The following MCUR1 variants were observed in gnomAD, a reference collection of about 807,000 sequenced individuals.
MCUR1 encodes the protein MCU regulator 1.
In MCUR1, 37 loss-of-function variants were observed where a neutral mutation model predicts 42.0. The ratio of observed to expected loss-of-function variants is 0.88; its 90% CI spans 0.68 to 1.16. The LOEUF (loss-of-function observed/expected upper bound fraction) is 1.16. Among genes scored for constraint, MCUR1 ranks in the 50% most tolerant of loss-of-function variants. The pLI, the probability that MCUR1 is intolerant of heterozygous loss-of-function variation, is 0.00. For synonymous variants in MCUR1, 229 were observed against 196.2 expected (o/e 1.17, Z -1.40); for missense variants, 469 against 468.4 (o/e 1.00, Z -0.01).
chr6:13,791,030 C>T (rs1010778553), intron 8 of MCUR1, among the ~76,000 whole-genome samples, 166 bp from the exon 9 acceptor site: 1 of 152,060 alleles, frequency 6.6e-6, no homozygotes, highest in Non-Finnish European at 1.5e-5. Context: ...AATCCCACAC[C>T]CTTTATTTTA....
chr6:13,804,287 C>A, intron 2 of MCUR1: 1 of 133,808 alleles, frequency 7.5e-6, no homozygotes, highest in Non-Finnish European at 1.5e-5. Context: ...TGTGCCACTG[C>A]ACTCCAGCCT....
chr6:13,811,236 C>T (rs1444340217), intron 1 of MCUR1, among the ~76,000 whole-genome samples: 2 of 152,176 alleles, frequency 1.3e-5, no homozygotes, highest in Non-Finnish European at 2.9e-5. Context: ...ATTATTTCCT[C>T]ATCTGTATCA....
At position 13,800,393 on chromosome 6, in the gene MCUR1, A is replaced by AT. The variant is rs772917624; in HGVS notation, c.742-12dup. The stretch of plus-strand genomic sequence containing the variant: ...TTCGAGTTTTATTTTCTAAAAACAC[A>AT]TAAAAAAAAAGTCATTAGAAAGAAC... On this transcript the variant is annotated splice_polypyrimidine_tract_variant and intron_variant, in intron 4 of 8. Transcript: ENST00000379170. The AT allele has an allele frequency of 1.3e-5, 18 of 1,423,268 alleles. No homozygotes were observed. Among genetic ancestry groups the AT allele is most frequent in the Middle Eastern group, 1.8e-4 (1 of 5,668 alleles). 88.2% of individuals were successfully genotyped at this position (1,423,268 alleles called of 1,614,324 possible).
At chr6:13,813,843 G>T (rs1329104451) in intron 1 of MCUR1, among the ~76,000 whole-genome samples, 172 bp downstream of exon 1, 1 of 152,166 alleles carries the variant, frequency 6.6e-6, no homozygotes, top group Non-Finnish European at 1.5e-5. Context: ...CACCGCGGCC[G>T]AGCAGGGCGG....
At chr6:13,812,478 T>C (rs1295590081) in intron 1 of MCUR1, among the ~76,000 whole-genome samples, 1 of 152,240 alleles carries the variant, frequency 6.6e-6, no homozygotes, top group Non-Finnish European at 1.5e-5. Flanking sequence ...CTTTTTGCCC[T>C]ATACTCTTGC....
intron 1 of MCUR1, among the ~76,000 whole-genome samples, chr6:13,809,059 CTGT>C (rs1760173511): frequency 6.6e-6 from 1 of 152,104 alleles, no homozygotes; most frequent in Non-Finnish European, 1.5e-5. Flanking sequence ...GTTATAAACT[CTGT>C]TGTTTGCCAA....
Position 13,791,878 on chromosome 6 carries a change from C to T in MCUR1, c.1024G>A (p.Gly342Arg). 1 of 1,601,604 alleles carries T rather than the reference C, an allele frequency of 6.2e-7. No homozygotes were observed. The highest frequency in any genetic ancestry group is 8.5e-7 in the Non-Finnish European group (1 of 1,170,828). The stretch of plus-strand genomic sequence containing the variant: ...TTTAAATAGATACAAAATAGCTTAC[C>T]TGCTAAATATTTAATATTATCAAGC... ...HKLDNIKYLA[G>R]SIFTCLTVAL... Residue 342 changes from glycine to arginine, a missense_variant and splice_region_variant, in exon 8 of 9, where the codon GGG becomes AGG. By Grantham distance (125) the Gly-to-Arg change is moderately radical (BLOSUM62 -2). Coordinates refer to ENST00000379170, the MANE Select transcript of MCUR1 (RefSeq NM_001031713.4).
At chr6:13,807,715 C>T (rs1434783362) in intron 1 of MCUR1, among the ~76,000 whole-genome samples, 1 of 152,196 alleles carries the variant, frequency 6.6e-6, no homozygotes, top group African/African-American at 2.4e-5. Flanking sequence ...TTTTCCAAAG[C>T]AGCTATACCA....
At chr6:13,790,902 A>G in intron 8 of MCUR1, 38 bp from the exon 9 acceptor site, 1 of 1,464,106 alleles carries the variant, frequency 6.8e-7, no homozygotes, top group Non-Finnish European at 9.4e-7. Flanking sequence ...TATTAGTTCT[A>G]TTAAGAGTTA....
intron 1 of MCUR1, among the ~76,000 whole-genome samples, chr6:13,811,906 C>G (rs891804764): frequency 4.0e-5 from 6 of 151,804 alleles, no homozygotes; most frequent in Admixed American, 1.3e-4. Flanking sequence ...GAACCAGAAA[C>G]AGCAAGCTTA....
At chr6:13,802,490 A>C in intron 2 of MCUR1, 144 bp from the exon 3 acceptor site, 1 of 585,894 alleles carries the variant, frequency 1.7e-6, no homozygotes, top group South Asian at 2.2e-5. Flanking sequence ...ACAGCCACAA[A>C]CTATGACGTG....
intron 1 of MCUR1, among the ~76,000 whole-genome samples, chr6:13,811,861 T>G (rs375185252): frequency 0.1 from 15,291 of 152,036 alleles, 1,163 homozygotes; most frequent in African/African-American, 0.21. Flanking sequence ...ATACTACAGT[T>G]TTTTTGTTAT....
At chr6:13,802,950 C>A (rs1234647044) in intron 2 of MCUR1, among the ~76,000 whole-genome samples, 3 of 152,090 alleles carry the variant, frequency 2.0e-5, no homozygotes, top group African/African-American at 7.2e-5. Context: ...TTCATTTTTC[C>A]TCCACAATTC....
chr6:13,809,839 G>C (rs1186779202), intron 1 of MCUR1, among the ~76,000 whole-genome samples: 1 of 151,992 alleles, frequency 6.6e-6, no homozygotes, highest in African/African-American at 2.4e-5. Context: ...AGGAGTTTGA[G>C]GCTGCAGTGA....
chr6:13,807,119 A>C (rs1458778004), intron 1 of MCUR1, 75 bp from the exon 2 acceptor site: 4 of 1,490,028 alleles, frequency 2.7e-6, no homozygotes, highest in African/African-American at 1.4e-5. Context: ...AGAGAAAATA[A>C]GGCATACCCC....
chr6:13,812,637 A>G (rs1007882777), intron 1 of MCUR1, among the ~76,000 whole-genome samples: 6 of 152,232 alleles, frequency 3.9e-5, no homozygotes, highest in African/African-American at 1.2e-4. Context: ...CACTCTCTGT[A>G]TATAAAGTTT....
At chr6:13,813,127 C>A (rs1257925165) in intron 1 of MCUR1, among the ~76,000 whole-genome samples, 2 of 152,192 alleles carry the variant, frequency 1.3e-5, no homozygotes, top group Non-Finnish European at 2.9e-5. Context: ...GGAGCACTAG[C>A]CTCTACCTGA....
At chr6:13,806,667 T>G (rs1343397667) in intron 2 of MCUR1, among the ~76,000 whole-genome samples, 1 of 152,172 alleles carries the variant, frequency 6.6e-6, no homozygotes, top group Non-Finnish European at 1.5e-5. Context: ...GGTGTGTGCC[T>G]GTAGTCCCAG....
chr6:13,801,480 C>A, intron 3 of MCUR1, 91 bp from the exon 4 acceptor site: 1 of 863,878 alleles, frequency 1.2e-6, no homozygotes. Flanking sequence ...ATTGAGAAAC[C>A]AGGACAATGT....
Sources: gnomAD v4.1 joint callset for allele counts (sites outside exome capture counted in the v4.1 genomes callset) on GRCh38, gnomAD v4.1.1 for gene constraint, MANE v1.5 for transcripts, NCBI Gene and HGNC (gene_info 2026-07-23, HGNC 2026-07-21) for gene names.